Variants in MAD1L1 observed in about 807,000 individuals in gnomAD.
MAD1L1 encodes the protein mitotic spindle assembly checkpoint protein MAD1.
Under a neutral mutation model 96.9 loss-of-function variants are expected in MAD1L1, and 95 were observed. The ratio of observed to expected loss-of-function variants is 0.98; its 90% CI spans 0.83 to 1.16. The LOEUF is 1.16. MAD1L1 is among the 50% of genes most tolerant of loss of function. The probability of loss-of-function intolerance (pLI) is 0.00; values close to 1 mark genes in which losing one functional copy is unlikely to be tolerated. For missense variants in MAD1L1, 1,007 were observed against 954.4 expected, an observed-to-expected ratio of 1.06 and a Z score of -0.73; for synonymous variants, 473 against 396.6, an observed-to-expected ratio of 1.19 and a Z score of -2.29.
At chr7:1,859,319 G>A (rs965209099) in intron 18 of MAD1L1, among the ~76,000 whole-genome samples, 3 of 152,238 alleles carry the variant, frequency 2.0e-5, no homozygotes, top group African/African-American at 7.2e-5. Context: ...GGGGCTGCAG[G>A]TTCACCAGGC....
intron 14 of MAD1L1, among the ~76,000 whole-genome samples, chr7:2,000,263 C>T (rs1781733841): frequency 2.6e-5 from 4 of 152,202 alleles, no homozygotes; most frequent in African/African-American, 7.2e-5. Flanking sequence ...GCAGCGGACT[C>T]GGACCACGCC....
chr7:1,895,626 C>G (rs1583688995), intron 18 of MAD1L1, among the ~76,000 whole-genome samples: 2 of 152,232 alleles, frequency 1.3e-5, no homozygotes, highest in African/African-American at 4.8e-5. Flanking sequence ...CCTGAGCCAG[C>G]CCCCGGAACA....
intron 18 of MAD1L1, among the ~76,000 whole-genome samples, chr7:1,839,046 G>A (rs1461633025): frequency 2.6e-5 from 4 of 152,158 alleles, no homozygotes; most frequent in African/African-American, 7.2e-5. Context: ...TTGGCCAACC[G>A]CGGCGGGTCC....
At chr7:1,935,963 G>A (rs546269528) in intron 17 of MAD1L1, among the ~76,000 whole-genome samples, 1 of 152,376 alleles carries the variant, frequency 6.6e-6, no homozygotes, top group East Asian at 1.9e-4. Flanking sequence ...AGAACCAGGA[G>A]CGTGGGGCAG....
intron 17 of MAD1L1, among the ~76,000 whole-genome samples, chr7:1,923,480 C>T (rs1788914816): frequency 7.5e-6 from 1 of 133,436 alleles, no homozygotes; most frequent in African/African-American, 2.8e-5. Context: ...CTCTTCCGCC[C>T]CGGCAGCCGG....
chr7:2,107,317 G>C (rs1010640449), intron 11 of MAD1L1: 13 of 152,308 alleles, frequency 8.5e-5, no homozygotes, highest in African/African-American at 2.9e-4. Context: ...GGGGCAGAGG[G>C]GGCTGGCCCT....
intron 11 of MAD1L1, among the ~76,000 whole-genome samples, chr7:2,128,707 G>T (rs943800350): frequency 1.3e-5 from 2 of 152,188 alleles, no homozygotes; most frequent in Admixed American, 1.3e-4. Context: ...GGGACACAGA[G>T]GGGCTGAAAC....
chr7:2,152,242 C>T lies in MAD1L1; in HGVS notation c.987-3004G>A, dbSNP rs371649265. Among the ~76,000 whole-genome samples, 250 of 152,344 alleles carry T rather than the reference C, an allele frequency of 1.6e-3. 1 individual carries two copies. Among genetic ancestry groups the T allele is most frequent in the African/African-American group, 5.7e-3 (239 of 41,588 alleles). ...CCCTAGGCCCCCAGATCCCTGCCGG[C>T]TCTCAGTCCCCATGCGACCAGGCCC... On this transcript the variant is annotated intron_variant, in intron 10 of 18. Transcript: ENST00000265854.
At chr7:2,055,493 T>C (rs1159732266) in intron 12 of MAD1L1, among the ~76,000 whole-genome samples, 5 of 151,852 alleles carry the variant, frequency 3.3e-5, no homozygotes, top group Non-Finnish European at 2.9e-5. Flanking sequence ...CACTCAGATT[T>C]CCACGATCTC....
intron 18 of MAD1L1, chr7:1,847,765 T>G (rs1272960635): frequency 6.4e-6 from 3 of 465,676 alleles, no homozygotes; most frequent in Non-Finnish European, 1.3e-5. Flanking sequence ...ACTTGCTGCG[T>G]GCTGTGTACA....
intron 11 of MAD1L1, among the ~76,000 whole-genome samples, chr7:2,111,366 C>T (rs184800863): frequency 2.0e-5 from 3 of 152,312 alleles, no homozygotes; most frequent in East Asian, 1.9e-4. Flanking sequence ...AAGGAGCTTT[C>T]GAGACCGTGG....
At chr7:1,893,616 AG>A (rs1786688189) in intron 18 of MAD1L1, among the ~76,000 whole-genome samples, 1 of 152,034 alleles carries the variant, frequency 6.6e-6, no homozygotes, top group Non-Finnish European at 1.5e-5. Flanking sequence ...CTATCTCAGG[AG>A]GGTAGCTCAG....
chr7:1,978,869 T>C (rs975903793), intron 15 of MAD1L1, among the ~76,000 whole-genome samples: 5 of 152,138 alleles, frequency 3.3e-5, no homozygotes, highest in African/African-American at 1.2e-4. Context: ...ACACACTCAG[T>C]ATCTGAACAC....
intron 18 of MAD1L1, among the ~76,000 whole-genome samples, chr7:1,842,295 C>T (rs923953991): frequency 1.8e-4 from 28 of 152,218 alleles, no homozygotes; most frequent in African/African-American, 6.5e-4. Flanking sequence ...CCTGTGCTCC[C>T]GCTCCGTGTG....
intron 11 of MAD1L1, among the ~76,000 whole-genome samples, chr7:2,115,395 G>A (rs1372315441): frequency 2.0e-5 from 3 of 148,572 alleles, no homozygotes; most frequent in Admixed American, 6.7e-5. Flanking sequence ...AGGAGGCGGT[G>A]GACAGGGTCC....
At chr7:1,887,661 ATG>A (rs140022817) in intron 18 of MAD1L1, among the ~76,000 whole-genome samples, 4 of 140,788 alleles carry the variant, frequency 2.8e-5, no homozygotes, top group African/African-American at 5.6e-5. Flanking sequence ...GTGCCTGTGC[ATG>A]TGTGTGTGAG....
intron 10 of MAD1L1, among the ~76,000 whole-genome samples, chr7:2,168,529 G>A (rs934297028): frequency 1.3e-5 from 2 of 152,244 alleles, no homozygotes; most frequent in South Asian, 4.1e-4. Context: ...CTGGCCTGCT[G>A]TGTGGCCTGG....
intron 15 of MAD1L1, among the ~76,000 whole-genome samples, chr7:1,974,911 T>C (rs1440904494): frequency 6.6e-6 from 1 of 152,110 alleles, no homozygotes; most frequent in Non-Finnish European, 1.5e-5. Context: ...AGGTCCGGGG[T>C]ACAGGACCCA....
In MAD1L1 at chr7:2,222,478, C is replaced by T. The variant is rs1162955798; in HGVS notation, c.471+97G>A. ...AACGCAGCTGCCCGTGTGGGAAGCA[C>T]AAGTGAAAACACAAGCGGGCACTGC... On this transcript the variant is annotated intron_variant, in intron 5 of 18. Transcript: ENST00000265854. The T allele has an allele frequency of 3.6e-6, 4 of 1,107,584 alleles. No individual in the cohort carries two copies. The African/African-American group carries it at 4.8e-5, about 13-fold the overall frequency. The allele number at this position is 1,107,584 out of a possible 1,614,324, so 68.6% of individuals were successfully genotyped here.
Sources: gnomAD v4.1 joint callset for allele counts (sites outside exome capture counted in the v4.1 genomes callset) on GRCh38, gnomAD v4.1.1 for gene constraint, MANE v1.5 for transcripts, NCBI Gene and HGNC (gene_info 2026-07-23, HGNC 2026-07-21) for gene names.